Variants in GRIN2A observed in about 807,000 individuals in gnomAD.
GRIN2A encodes the protein glutamate receptor ionotropic, NMDA 2A.
In GRIN2A, 22 loss-of-function variants were observed where a neutral mutation model predicts 113.4. The observed-to-expected ratio is 0.19, with a 90% CI of 0.14 to 0.28. The LOEUF (loss-of-function observed/expected upper bound fraction) is 0.28, where lower values mean the gene tolerates loss of function less well. GRIN2A is among the 10% of genes least tolerant of loss of function. The pLI, the probability that GRIN2A is intolerant of heterozygous loss-of-function variation, is 1.00. For missense variants in GRIN2A, 1,502 were observed against 1,887.0 expected (o/e 0.80, Z 3.78); for synonymous variants, 827 against 738.4 (o/e 1.12, Z -1.94).
chr16:9,810,132 A>C lies in GRIN2A; in HGVS notation c.2169-11668T>G, dbSNP rs376555611. ...AACAACTGAGACCAGGAGGCAGGGG[A>C]TAGGGAAGGTATGGGAAATTGGCCA... On this transcript the variant is annotated intron_variant, in intron 10 of 12. Transcript: ENST00000330684. Among the ~76,000 whole-genome samples the C allele has an allele frequency of 4.5e-4, 69 of 152,200 alleles. No homozygotes were observed. The South Asian group carries it at 0.014, about 30-fold the overall frequency.
intron 4 of GRIN2A, among the ~76,000 whole-genome samples, chr16:9,857,517 GAC>G (rs2042989983): frequency 6.6e-6 from 1 of 152,154 alleles, no homozygotes; most frequent in African/African-American, 2.4e-5. Context: ...TATGTTCTCA[GAC>G]ACAGAGTAGC....
chr16:9,954,421 G>T (rs1353204726), intron 2 of GRIN2A, among the ~76,000 whole-genome samples: 1 of 152,132 alleles, frequency 6.6e-6, no homozygotes, highest in Non-Finnish European at 1.5e-5. Flanking sequence ...CACACACATT[G>T]CATCATCTTG....
intron 2 of GRIN2A, among the ~76,000 whole-genome samples, chr16:10,028,175 T>C (rs887725268): frequency 2.0e-5 from 3 of 151,882 alleles, no homozygotes; most frequent in Admixed American, 1.3e-4. Flanking sequence ...GCAGCAACTC[T>C]ATGAGGCAGG....
At chr16:10,054,232 C>A (rs554684544) in intron 2 of GRIN2A, among the ~76,000 whole-genome samples, 1 of 152,302 alleles carries the variant, frequency 6.6e-6, no homozygotes, top group African/African-American at 2.4e-5. Context: ...AATGAATCTT[C>A]TGACATGACT....
At chr16:9,765,878 G>A (rs970160367) in intron 12 of GRIN2A, among the ~76,000 whole-genome samples, 1 of 152,126 alleles carries the variant, frequency 6.6e-6, no homozygotes. Flanking sequence ...AAGGGCTCCT[G>A]GGCAGCCCAA....
intron 3 of GRIN2A, among the ~76,000 whole-genome samples, chr16:9,908,804 G>A (rs1043481066): frequency 2.0e-5 from 3 of 152,188 alleles, no homozygotes; most frequent in African/African-American, 7.2e-5. Flanking sequence ...AGAGCTGGGC[G>A]AGCAGCAAAC....
intron 2 of GRIN2A, among the ~76,000 whole-genome samples, chr16:10,167,946 A>T (rs1347729640): frequency 4.6e-5 from 7 of 152,236 alleles, no homozygotes; most frequent in Non-Finnish European, 1.0e-4. Flanking sequence ...GACTAAAAAG[A>T]ATAATTTGTC....
At chr16:10,096,609 C>T (rs2142096777) in intron 2 of GRIN2A, among the ~76,000 whole-genome samples, 1 of 150,582 alleles carries the variant, frequency 6.6e-6, no homozygotes, top group East Asian at 1.9e-4. Context: ...GACTTCCAGC[C>T]CCACATCACC....
At chr16:9,896,517 C>G (rs188527066) in intron 3 of GRIN2A, among the ~76,000 whole-genome samples, 1 of 152,176 alleles carries the variant, frequency 6.6e-6, no homozygotes, top group African/African-American at 2.4e-5. Context: ...ATTACTGAGA[C>G]GCAAACACTG....
intron 2 of GRIN2A, among the ~76,000 whole-genome samples, chr16:9,939,865 G>C (rs528644879): frequency 2.0e-5 from 3 of 152,238 alleles, no homozygotes; most frequent in East Asian, 1.9e-4. Context: ...AGCAAAACAG[G>C]ATTTGAGAAG....
At chr16:9,791,910 T>C (rs977344748) in intron 11 of GRIN2A, among the ~76,000 whole-genome samples, 1 of 152,286 alleles carries the variant, frequency 6.6e-6, no homozygotes, top group South Asian at 2.1e-4. Context: ...ATCATTATGC[T>C]GAATGGTGCT....
At chr16:9,992,032 C>T (rs2046125414) in intron 2 of GRIN2A, among the ~76,000 whole-genome samples, 1 of 152,096 alleles carries the variant, frequency 6.6e-6, no homozygotes, top group Non-Finnish European at 1.5e-5. Context: ...CAAAACTGCA[C>T]GTTCTGCACA....
chr16:10,010,573 T>A (rs1181366482), intron 2 of GRIN2A, among the ~76,000 whole-genome samples: 1 of 152,238 alleles, frequency 6.6e-6, no homozygotes, highest in Non-Finnish European at 1.5e-5. Context: ...AGGAACTGTT[T>A]AATATACTTC....
intron 4 of GRIN2A, among the ~76,000 whole-genome samples, chr16:9,856,422 C>T (rs917219495): frequency 1.3e-5 from 2 of 151,694 alleles, no homozygotes; most frequent in East Asian, 3.9e-4. Flanking sequence ...AGATCGAGAC[C>T]ATCCTGGCTA....
chr16:10,179,893 C>CCCCAACAAAA, intron 2 of GRIN2A, 105 bp downstream of exon 2: 1 of 719,818 alleles, frequency 1.4e-6, no homozygotes, highest in East Asian at 3.6e-5. Flanking sequence ...CCCCCACCCC[C>CCCCAACAAAA]ACTTCACATC....
chr16:9,853,808 C>T (rs957262101), intron 4 of GRIN2A, among the ~76,000 whole-genome samples: 2 of 152,080 alleles, frequency 1.3e-5, no homozygotes, highest in African/African-American at 4.8e-5. Flanking sequence ...TGTCCAGCTT[C>T]AATAATTAGT....
intron 2 of GRIN2A, among the ~76,000 whole-genome samples, chr16:10,167,527 T>G (rs1033856271): frequency 2.0e-4 from 30 of 152,040 alleles, no homozygotes; most frequent in African/African-American, 7.0e-4. Flanking sequence ...TATGCCGACT[T>G]CAGCAAAAAA....
chr16:9,895,039 A>G (rs1043602909), intron 3 of GRIN2A, among the ~76,000 whole-genome samples: 1 of 152,224 alleles, frequency 6.6e-6, no homozygotes, highest in African/African-American at 2.4e-5. Context: ...TCTCCTATGT[A>G]TCACACCCTG....
chr16:9,963,313 G>A (rs879310832), intron 2 of GRIN2A, among the ~76,000 whole-genome samples: 1 of 152,034 alleles, frequency 6.6e-6, no homozygotes, highest in Non-Finnish European at 1.5e-5. Context: ...TGTGTAGCAT[G>A]TGCAGGTTTG....
Sources: allele counts gnomAD v4.1 joint callset (sites outside exome capture counted in the v4.1 genomes callset), GRCh38; gene constraint gnomAD v4.1.1; transcripts MANE v1.5; gene names NCBI Gene and HGNC (gene_info 2026-07-23, HGNC 2026-07-21).